The following CRIM1 variants were observed in gnomAD, a reference collection of about 807,000 sequenced individuals.
The protein encoded by CRIM1 is cysteine-rich motor neuron 1 protein.
A neutral mutation model predicts 116.4 loss-of-function variants in CRIM1; 32 were observed. The observed-to-expected ratio is 0.27, with a 90% confidence interval of 0.21 to 0.37. The LOEUF is 0.37. Ranked by LOEUF, CRIM1 falls within the 10% of genes least tolerant of loss-of-function variation. CRIM1 has a pLI of 1.00. For missense variants in CRIM1, 1,331 were observed against 1,354.8 expected (o/e 0.98, Z 0.28); for synonymous variants, 590 against 509.2 (o/e 1.16, Z -2.13).
chr2:36,365,589 G>C (rs1029338469), intron 1 of CRIM1, among the ~76,000 whole-genome samples: 1 of 152,172 alleles, frequency 6.6e-6, no homozygotes, highest in Admixed American at 6.5e-5. Context: ...GTTGGCCATG[G>C]GTTTGCACTG....
chr2:36,547,253 G>C, intron 16 of CRIM1, 82 bp downstream of exon 16: 2 of 1,148,712 alleles, frequency 1.7e-6, no homozygotes, highest in Non-Finnish European at 2.6e-6. Flanking sequence ...GAAACCTTGT[G>C]TCTTAACCAG....
chr2:36,449,153 A>C (rs1245285674), intron 4 of CRIM1, among the ~76,000 whole-genome samples: 1 of 152,206 alleles, frequency 6.6e-6, no homozygotes, highest in South Asian at 2.1e-4. Context: ...TATGTTGGAC[A>C]CATGAAATTC....
intron 2 of CRIM1, among the ~76,000 whole-genome samples, chr2:36,439,971 A>G (rs977342051): frequency 1.2e-4 from 19 of 152,334 alleles, no homozygotes; most frequent in African/African-American, 4.6e-4. Context: ...TGAATTTACT[A>G]GAACTATAAG....
intron 2 of CRIM1, among the ~76,000 whole-genome samples, chr2:36,412,105 A>G (rs1673255935): frequency 6.6e-6 from 1 of 151,844 alleles, no homozygotes; most frequent in East Asian, 1.9e-4. Context: ...AGAAAGCTTG[A>G]CTCCCTTTAG....
chr2:36,468,856 C>T (rs928546859), intron 5 of CRIM1, among the ~76,000 whole-genome samples: 5 of 152,108 alleles, frequency 3.3e-5, no homozygotes, highest in South Asian at 2.1e-4. Flanking sequence ...TTCTTAGATA[C>T]GAGCATTTGT....
intron 5 of CRIM1, among the ~76,000 whole-genome samples, chr2:36,471,987 A>G (rs559628930): frequency 1.2e-4 from 18 of 152,324 alleles, no homozygotes; most frequent in Admixed American, 1.1e-3. Flanking sequence ...GTAGTTTGGT[A>G]GGCAGTAGCA....
chr2:36,506,909 G>T (rs1681470637), intron 8 of CRIM1, among the ~76,000 whole-genome samples: 1 of 151,694 alleles, frequency 6.6e-6, no homozygotes, highest in Non-Finnish European at 1.5e-5. Flanking sequence ...CCAGGCTGGT[G>T]TGCAGTGGTG....
At chr2:36,363,196 T>C (rs1026731544) in intron 1 of CRIM1, among the ~76,000 whole-genome samples, 3 of 142,212 alleles carry the variant, frequency 2.1e-5, no homozygotes, top group African/African-American at 5.3e-5. Flanking sequence ...CAAGACCCTG[T>C]CTCAAAAAAA....
At chr2:36,511,085 G>A (rs1664641242) in intron 9 of CRIM1, among the ~76,000 whole-genome samples, 1 of 152,004 alleles carries the variant, frequency 6.6e-6, no homozygotes, top group Admixed American at 6.6e-5. Flanking sequence ...GGGACTAGAG[G>A]CATGCGCCAC....
At chr2:36,457,702 T>C (rs1677250828) in intron 4 of CRIM1, among the ~76,000 whole-genome samples, 1 of 152,038 alleles carries the variant, frequency 6.6e-6, no homozygotes, top group Admixed American at 6.5e-5. Context: ...ATAAGAAGGG[T>C]TGGACCCTCA....
intron 1 of CRIM1, among the ~76,000 whole-genome samples, chr2:36,380,155 C>T (rs188382197): frequency 6.6e-6 from 1 of 152,328 alleles, no homozygotes; most frequent in East Asian, 1.9e-4. Context: ...CTGCGTTTAT[C>T]AGTCAGGTAC....
intron 2 of CRIM1, among the ~76,000 whole-genome samples, chr2:36,404,220 T>C (rs1351202821): frequency 2.0e-5 from 3 of 152,170 alleles, no homozygotes; most frequent in Admixed American, 6.5e-5. Flanking sequence ...GCCCATGATA[T>C]TGAGATGTAT....
chr2:36,522,448 A>G lies in CRIM1; in HGVS notation c.2428+135A>G, dbSNP rs1665458075. ...TTGACATGTCACACAGACCCAGTGT[A>G]GCAACACTGAGCAGAAGAAAGATAT... On this transcript the variant is annotated intron_variant, in intron 13 of 16. Coordinates refer to ENST00000280527, the MANE Select transcript of CRIM1 (RefSeq NM_016441.3). 8 of 661,658 alleles carry G rather than the reference A, an allele frequency of 1.2e-5. No homozygotes were observed. The South Asian group carries it at 1.3e-4, about 10-fold the overall frequency. 41.0% of individuals were successfully genotyped at this position (661,658 alleles called of 1,614,324 possible).
chr2:36,532,614 T>C (rs369781539), intron 13 of CRIM1, among the ~76,000 whole-genome samples: 1 of 151,544 alleles, frequency 6.6e-6, no homozygotes, highest in Non-Finnish European at 1.5e-5. Context: ...GTGGCACTGA[T>C]TGATCCTTGT....
chr2:36,364,477 CCAAGCA>C (rs1669457397), intron 1 of CRIM1, among the ~76,000 whole-genome samples: 1 of 152,124 alleles, frequency 6.6e-6, no homozygotes, highest in South Asian at 2.1e-4. Context: ...AACGGAAATG[CCAAGCA>C]TGTCAGGAGC....
At chr2:36,472,700 A>G (rs1239543283) in intron 5 of CRIM1, among the ~76,000 whole-genome samples, 1 of 152,120 alleles carries the variant, frequency 6.6e-6, no homozygotes, top group Non-Finnish European at 1.5e-5. Flanking sequence ...CCAAATAATT[A>G]GTATTGATTG....
At chr2:36,426,695 A>C (rs999257606) in intron 2 of CRIM1, among the ~76,000 whole-genome samples, 1 of 152,236 alleles carries the variant, frequency 6.6e-6, no homozygotes, top group Non-Finnish European at 1.5e-5. Context: ...TCAAGCTCCC[A>C]GTATCACTAA....
At chr2:36,543,535 C>T (rs1024311470) in intron 14 of CRIM1, among the ~76,000 whole-genome samples, 5 of 152,018 alleles carry the variant, frequency 3.3e-5, no homozygotes, top group South Asian at 2.1e-4. Context: ...AGGATCTGCC[C>T]GAAAGGAAAT....
At chr2:36,394,598 G>A (rs1369706660) in intron 1 of CRIM1, among the ~76,000 whole-genome samples, 1 of 151,500 alleles carries the variant, frequency 6.6e-6, no homozygotes, top group Non-Finnish European at 1.5e-5. Context: ...TGTGTATGTT[G>A]CTTCTCTCTG....
Sources: gnomAD v4.1 joint callset for allele counts (sites outside exome capture counted in the v4.1 genomes callset) on GRCh38, gnomAD v4.1.1 for gene constraint, MANE v1.5 for transcripts, NCBI Gene and HGNC (gene_info 2026-07-23, HGNC 2026-07-21) for gene names.